Variants in NPFFR2 observed in about 807,000 individuals in gnomAD.
NPFFR2 encodes G-protein coupled receptor 74.
Under a neutral mutation model 13.1 loss-of-function variants are expected in NPFFR2, and 15 were observed. That is an observed-to-expected ratio of 1.15 (90% CI 0.77 to 1.76). The LOEUF is 1.76. Among genes scored for constraint, NPFFR2 ranks in the 40% most tolerant of loss-of-function variants. NPFFR2 has a pLI of 0.00. For synonymous variants in NPFFR2, 190 were observed against 175.7 expected (o/e 1.08, Z -0.65); for missense variants, 572 against 503.5 (o/e 1.14, Z -1.30).
At chr4:72,074,470 TTGTTAATC>T (rs1720367465) in intron 1 of NPFFR2, among the ~76,000 whole-genome samples, 1 of 152,120 alleles carries the variant, frequency 6.6e-6, no homozygotes, top group Non-Finnish European at 1.5e-5. Context: ...TACTGTATTT[TTGTTAATC>T]TCTTTCTGTG....
intron 1 of NPFFR2, among the ~76,000 whole-genome samples, chr4:72,114,389 A>T (rs1721651341): frequency 6.6e-6 from 1 of 152,118 alleles, no homozygotes; most frequent in African/African-American, 2.4e-5. Flanking sequence ...CCCTATAAGA[A>T]TTCATATCTA....
intron 1 of NPFFR2, among the ~76,000 whole-genome samples, chr4:72,067,051 T>C (rs375924401): frequency 3.6e-3 from 13 of 3,566 alleles, no homozygotes; most frequent in East Asian, 0.01. Flanking sequence ...TGAGCAACAG[T>C]CCTCTCCCTG....
intron 1 of NPFFR2, among the ~76,000 whole-genome samples, chr4:72,061,204 C>G (rs1005147248): frequency 5.3e-4 from 81 of 152,158 alleles, no homozygotes; most frequent in African/African-American, 1.7e-3. Context: ...GAAACACTTT[C>G]TATCTGCTGA....
At chr4:72,087,274 C>A (rs1720797303) in intron 1 of NPFFR2, among the ~76,000 whole-genome samples, 2 of 152,072 alleles carry the variant, frequency 1.3e-5, no homozygotes, top group South Asian at 2.1e-4. Flanking sequence ...ACCTGAGATT[C>A]TATGAATTGC....
At chr4:72,113,516 C>T (rs1475205720) in intron 1 of NPFFR2, among the ~76,000 whole-genome samples, 2 of 152,018 alleles carry the variant, frequency 1.3e-5, no homozygotes, top group Non-Finnish European at 2.9e-5. Flanking sequence ...TAGGACTCAA[C>T]TTGTAATTAG....
At chr4:72,106,759 T>C (rs1012172228) in intron 1 of NPFFR2, among the ~76,000 whole-genome samples, 1 of 151,996 alleles carries the variant, frequency 6.6e-6, no homozygotes, top group Admixed American at 6.6e-5. Context: ...TTGTTGGAAA[T>C]TTTACATTTT....
intron 1 of NPFFR2, among the ~76,000 whole-genome samples, chr4:72,080,586 G>T (rs4367143): frequency 0.89 from 135,581 of 152,152 alleles, 61,496 homozygotes; most frequent in Non-Finnish European, 0.98. Flanking sequence ...TTCTCACAGT[G>T]ACATTATGCT....
intron 1 of NPFFR2, among the ~76,000 whole-genome samples, chr4:72,111,858 G>A (rs180777431): frequency 9.9e-5 from 15 of 151,990 alleles, no homozygotes; most frequent in Admixed American, 2.6e-4. Flanking sequence ...TCTGATGCTA[G>A]TCCCCCCAAC....
At chr4:72,048,980 G>C (rs965008493) in intron 1 of NPFFR2, among the ~76,000 whole-genome samples, 23 of 152,042 alleles carry the variant, frequency 1.5e-4, no homozygotes, top group African/African-American at 5.6e-4. Flanking sequence ...TGAAGATCTT[G>C]TGAAAGAAGA....
intron 1 of NPFFR2, among the ~76,000 whole-genome samples, chr4:72,118,792 C>T (rs1430143821): frequency 6.6e-6 from 1 of 152,072 alleles, no homozygotes; most frequent in Non-Finnish European, 1.5e-5. Context: ...GAACTGGTCT[C>T]TACTTTCACA....
chr4:72,080,660 CTAGTGTCA>C (rs1200091119), intron 1 of NPFFR2, among the ~76,000 whole-genome samples: 1 of 152,094 alleles, frequency 6.6e-6, no homozygotes, highest in Non-Finnish European at 1.5e-5. Context: ...CCAATTTGTT[CTAGTGTCA>C]ACTGTATTGA....
intron 1 of NPFFR2, among the ~76,000 whole-genome samples, chr4:72,095,498 A>C (rs930232327): frequency 6.6e-6 from 1 of 152,252 alleles, no homozygotes; most frequent in Non-Finnish European, 1.5e-5. Context: ...AAAGACAGCT[A>C]AACATTTTCT....
At chr4:72,132,036 A>G (rs1005144520) in intron 2 of NPFFR2, among the ~76,000 whole-genome samples, 3 of 151,886 alleles carry the variant, frequency 2.0e-5, no homozygotes, top group African/African-American at 7.3e-5. Flanking sequence ...ATTCAGGGGT[A>G]CATGTACAAG....
intron 1 of NPFFR2, among the ~76,000 whole-genome samples, chr4:72,036,629 TTC>T (rs1455311063): frequency 6.7e-6 from 1 of 149,006 alleles, no homozygotes; most frequent in African/African-American, 2.4e-5. Context: ...ATATATGAGA[TTC>T]TGAGTCAAAA....
At chr4:72,077,228 G>A (rs1479928003) in intron 1 of NPFFR2, among the ~76,000 whole-genome samples, 3 of 151,936 alleles carry the variant, frequency 2.0e-5, no homozygotes, top group African/African-American at 4.8e-5. Context: ...ATGTAACCCT[G>A]TACATTACAC....
At chr4:72,127,852 G>A (rs79554543) in intron 1 of NPFFR2, among the ~76,000 whole-genome samples, 2,376 of 152,010 alleles carry the variant, frequency 0.016, 64 homozygotes, top group African/African-American at 0.054. Flanking sequence ...GGCTAAGGTG[G>A]GTGGATCACT....
chr4:72,074,796 A>C (rs13111031), intron 1 of NPFFR2, among the ~76,000 whole-genome samples: 136,815 of 152,076 alleles, frequency 0.9, 62,500 homozygotes, highest in Non-Finnish European at 0.98. Context: ...CACTTTAGAG[A>C]CCAAGATACA....
intron 1 of NPFFR2, among the ~76,000 whole-genome samples, chr4:72,050,457 G>A (rs1185295377): frequency 1.3e-5 from 2 of 151,888 alleles, no homozygotes; most frequent in Non-Finnish European, 2.9e-5. Context: ...CAACTGAACA[G>A]CATTAACATT....
intron 1 of NPFFR2, among the ~76,000 whole-genome samples, chr4:72,059,926 G>T (rs1719872773): frequency 6.6e-6 from 1 of 151,978 alleles, no homozygotes; most frequent in Non-Finnish European, 1.5e-5. Context: ...TGGAAGACCT[G>T]GTTATTTTTC....
Sources: allele counts gnomAD v4.1 joint callset (sites outside exome capture counted in the v4.1 genomes callset), GRCh38; gene constraint gnomAD v4.1.1; transcripts MANE v1.5; gene names NCBI Gene and HGNC (gene_info 2026-07-23, HGNC 2026-07-21).